Variants in CCDC63 observed in about 807,000 individuals in gnomAD.
CCDC63 encodes coiled-coil domain containing 63, also known as coiled-coil domain-containing protein 63.
In CCDC63, 54 loss-of-function variants were observed where a neutral mutation model predicts 63.6. The observed-to-expected ratio is 0.85, with a 90% CI of 0.68 to 1.07. The LOEUF is 1.07. Ranked by LOEUF, CCDC63 falls within the 50% of genes least tolerant of loss-of-function variation. The pLI is 0.00. For synonymous variants in CCDC63, 253 were observed against 266.1 expected, an observed-to-expected ratio of 0.95 and a Z score of 0.48; for missense variants, 637 against 689.6, an observed-to-expected ratio of 0.92 and a Z score of 0.86.
chr12:110,860,882 T>G (rs2070845016), intron 4 of CCDC63, among the ~76,000 whole-genome samples: 3 of 152,220 alleles, frequency 2.0e-5, no homozygotes, highest in Non-Finnish European at 2.9e-5. Flanking sequence ...AGCCGCGGCA[T>G]GCAGCCAAGA....
chr12:110,867,652 G>A (rs1266681948), intron 4 of CCDC63, among the ~76,000 whole-genome samples: 10 of 127,908 alleles, frequency 7.8e-5, no homozygotes, highest in South Asian at 2.6e-4. Context: ...AGGGGCGGCC[G>A]GGCAGAGGCG....
chr12:110,899,024 T>C lies in CCDC63; in HGVS notation c.1241T>C (p.Val414Ala), dbSNP rs368550519. 1.4e-4 allele frequency: 222 copies of C among 1,613,520 alleles called. 1 individual carries two copies. The highest frequency in any genetic ancestry group is 1.7e-4 in the Non-Finnish European group (206 of 1,179,792). ...SKTLDLLKNS[V>A]EKLFKKINCD... Reference sequence around the variant, plus strand: ...ACCTTGGATCTATTGAAGAACTCAGTGGAGAAACTGTTCAAGAAGATAAAC... The same window carrying C: ...ACCTTGGATCTATTGAAGAACTCAGCGGAGAAACTGTTCAAGAAGATAAAC... The change falls in exon 10 of 12, where the codon GTG becomes GCG. Residue 414 changes from valine to alanine, a missense_variant. Val to Ala is a moderately conservative substitution (Grantham distance 64). Coordinates refer to ENST00000308208, the MANE Select transcript of CCDC63 (RefSeq NM_152591.3).
chr12:110,893,714 C>T (rs986245098), intron 9 of CCDC63, among the ~76,000 whole-genome samples: 4 of 152,094 alleles, frequency 2.6e-5, no homozygotes, highest in Non-Finnish European at 5.9e-5. Context: ...ATATTGTATA[C>T]GTTTTGAGCT....
intron 4 of CCDC63, among the ~76,000 whole-genome samples, chr12:110,867,123 G>A (rs1328037861): frequency 2.1e-5 from 3 of 143,920 alleles, no homozygotes; most frequent in Non-Finnish European, 4.7e-5. Flanking sequence ...CGGGCAGGGG[G>A]GCTGACCCCC....
In CCDC63 at chr12:110,904,588, C is replaced by T. The variant is rs754736027; in HGVS notation, c.1343C>T (p.Ala448Val). The change falls in exon 11 of 12, where the codon GCC becomes GTC. Residue 448 changes from alanine (A) to valine (V), a missense_variant and splice_region_variant. By Grantham distance (64) the Ala-to-Val change is moderately conservative (BLOSUM62 0). Coordinates refer to ENST00000308208, the MANE Select transcript of CCDC63 (RefSeq NM_152591.3). The part of the protein sequence containing the change: ...VTDINLPQYF[A>V]IIEKKTNDLL... ...CTTGGTCCTGCTTCTTGTTCTCCAG[C>T]CATCATTGAAAAGAAGACCAACGAC... The T allele has an allele frequency of 6.2e-7, 1 of 1,613,920 alleles. No homozygotes were observed. Among genetic ancestry groups the T allele is most frequent in the South Asian group, 1.1e-5 (1 of 91,070 alleles).
chr12:110,906,484 C>T (rs776964547), intron 11 of CCDC63, among the ~76,000 whole-genome samples: 1 of 151,894 alleles, frequency 6.6e-6, no homozygotes, highest in Non-Finnish European at 1.5e-5. Context: ...CTAAGTTAAA[C>T]AATTCTGTAT....
rs749543322 is a variant in CCDC63, at chr12:110,907,404, T to C, written c.1620T>C (p.Ser540=). 6 of 1,613,730 alleles carry C rather than the reference T, an allele frequency of 3.7e-6. No homozygotes were observed. The South Asian group carries it at 6.6e-5, about 18-fold the overall frequency. The change falls in exon 12 of 12, where the codon AGT becomes AGC. Residue 540 remains serine, a synonymous_variant. Coordinates refer to ENST00000308208, the MANE Select transcript of CCDC63 (RefSeq NM_152591.3). The surrounding 1 kb of genome is among the most constrained non-coding windows in gnomAD (Gnocchi z 4.4). ...ATTATATCCTGAAGGAGAATCGGAG[T>C]AAGGAAGTGCGCGGAGACAGCCTGC... ...LDNYILKENR[S]KEVRGDSLPE...
chr12:110,879,646 C>A (rs1415134292), intron 5 of CCDC63, among the ~76,000 whole-genome samples: 1 of 152,150 alleles, frequency 6.6e-6, no homozygotes, highest in Admixed American at 6.5e-5. Context: ...TAATTGCCTA[C>A]AGCTGGAACT....
intron 4 of CCDC63, among the ~76,000 whole-genome samples, chr12:110,859,476 T>C (rs2070824006): frequency 6.6e-6 from 1 of 152,068 alleles, no homozygotes; most frequent in Non-Finnish European, 1.5e-5. Flanking sequence ...TGGCTAATTT[T>C]TGTATTTTTA....
At chr12:110,848,540 G>A (rs1005144727) in intron 1 of CCDC63, among the ~76,000 whole-genome samples, 6 of 152,178 alleles carry the variant, frequency 3.9e-5, no homozygotes, top group Admixed American at 3.9e-4. Flanking sequence ...AAGGCAGGAG[G>A]TGATGGAGCT....
At chr12:110,881,027 TA>T in intron 6 of CCDC63, 87 bp from the exon 7 acceptor site, 1 of 1,193,956 alleles carries the variant, frequency 8.4e-7, no homozygotes, top group Non-Finnish European at 1.1e-6. Context: ...AGTCATTCTC[TA>T]GGCAGGAAGG....
chr12:110,860,747 G>A (rs192311752), intron 4 of CCDC63, among the ~76,000 whole-genome samples: 22 of 151,948 alleles, frequency 1.4e-4, no homozygotes, highest in African/African-American at 4.3e-4. Flanking sequence ...GCACCCCCAC[G>A]CCCACCTAAT....
At chr12:110,856,261 T>C (rs1261521639) in intron 3 of CCDC63, among the ~76,000 whole-genome samples, 1 of 151,928 alleles carries the variant, frequency 6.6e-6, no homozygotes, top group Non-Finnish European at 1.5e-5. Flanking sequence ...AATTTTTGTA[T>C]TTTTAGTAGA....
chr12:110,894,784 C>T (rs1750836120), intron 9 of CCDC63, among the ~76,000 whole-genome samples: 1 of 152,198 alleles, frequency 6.6e-6, no homozygotes, highest in South Asian at 2.1e-4. Context: ...ACAGGCTGAT[C>T]AGGCAAAGCC....
At chr12:110,849,719 A>C (rs561622648) in intron 1 of CCDC63, among the ~76,000 whole-genome samples, 1 of 152,022 alleles carries the variant, frequency 6.6e-6, no homozygotes, top group African/African-American at 2.4e-5. Context: ...GGCTGGTCTC[A>C]GTCTCCTGAC....
rs1320098559 is a variant in CCDC63 at position 110,889,705 on chromosome 12, G to A, written c.1075-3371G>A. On this transcript the variant is annotated intron_variant, in intron 8 of 11. Transcript: ENST00000308208. This position sits in a 1 kb window ranked among gnomAD's most constrained non-coding sequence, Gnocchi z 4.1. Reference sequence around the variant, plus strand: ...GGCCATGGGAGATCTCCGAGCAGGGGAGCGGTGCCATCGACTCAGGTTATT... The same window carrying A: ...GGCCATGGGAGATCTCCGAGCAGGGAAGCGGTGCCATCGACTCAGGTTATT... Among the ~76,000 whole-genome samples, 2 of 152,156 alleles carry A rather than the reference G, an allele frequency of 1.3e-5. No individual in the cohort carries two copies. The highest frequency in any genetic ancestry group is 2.9e-5 in the Non-Finnish European group (2 of 68,020).
intron 10 of CCDC63, among the ~76,000 whole-genome samples, chr12:110,902,568 C>T (rs1008216112): frequency 6.6e-6 from 1 of 152,044 alleles, no homozygotes; most frequent in Non-Finnish European, 1.5e-5. Context: ...AGCTTCACCC[C>T]CTACTCCCCC....
chr12:110,884,126 G>C lies in CCDC63; in HGVS notation c.950G>C (p.Gly317Ala), dbSNP rs1205142007. Residue 317 changes from glycine (G) to alanine (A), a missense_variant, in exon 8 of 12, where the codon GGG becomes GCG. Gly to Ala is a moderately conservative substitution (Grantham distance 60, BLOSUM62 0). Coordinates refer to ENST00000308208, the MANE Select transcript of CCDC63 (RefSeq NM_152591.3). ...HLRLLKLAES[G>A]NLNQLIEDFL... ...CGGCTGCTGAAGCTGGCTGAGAGTG[G>C]GAACCTAAACCAGCTCATTGAAGAT... 3 of 1,614,094 alleles carry C rather than the reference G, an allele frequency of 1.9e-6. No individual in the cohort carries two copies. The highest frequency in any genetic ancestry group is 2.5e-6 in the Non-Finnish European group (3 of 1,180,010).
chr12:110,863,255 GACAC>G (rs963854706), intron 4 of CCDC63, among the ~76,000 whole-genome samples: 3 of 138,892 alleles, frequency 2.2e-5, no homozygotes, highest in African/African-American at 8.4e-5. Context: ...CGCTTTGAGT[GACAC>G]ACACGTGTGT....
Sources: allele counts gnomAD v4.1 joint callset (sites outside exome capture counted in the v4.1 genomes callset), GRCh38; gene constraint gnomAD v4.1.1; non-coding constraint Gnocchi (gnomAD v3.1); transcripts MANE v1.5; gene names NCBI Gene and HGNC (gene_info 2026-07-23, HGNC 2026-07-21).